ZFHX3: variants seen among roughly 807,000 people sequenced by gnomAD.
The protein encoded by ZFHX3 is zinc finger homeobox protein 3.
Under a neutral mutation model 279.1 loss-of-function variants are expected in ZFHX3, and 42 were observed. That is an observed-to-expected ratio of 0.15 (90% CI 0.12 to 0.19). ZFHX3 has a LOEUF of 0.19. Among genes scored for constraint, ZFHX3 ranks in the 10% least tolerant of loss-of-function variants. The probability of loss-of-function intolerance (pLI) is 1.00; values close to 1 mark genes in which losing one functional copy is unlikely to be tolerated. For missense variants in ZFHX3, 4,981 were observed against 4,754.0 expected, an observed-to-expected ratio of 1.05 and a Z score of -1.40; for synonymous variants, 2,293 against 1,957.8, an observed-to-expected ratio of 1.17 and a Z score of -4.52.
At chr16:73,082,267 ATT>A (rs369619247) in intron 8 of ZFHX3, among the ~76,000 whole-genome samples, 2 of 150,394 alleles carry the variant, frequency 1.3e-5, no homozygotes, top group African/African-American at 2.5e-5. Flanking sequence ...GAATGAATGA[ATT>A]TTTTTTTCTC....
intron 1 of ZFHX3, among the ~76,000 whole-genome samples, chr16:73,729,686 G>A (rs2053552864): frequency 6.6e-6 from 1 of 152,120 alleles, no homozygotes; most frequent in South Asian, 2.1e-4. Flanking sequence ...CCGCAATCTT[G>A]GCATACACAA....
chr16:73,226,696 A>T (rs1338165978), intron 5 of ZFHX3, among the ~76,000 whole-genome samples: 1 of 152,222 alleles, frequency 6.6e-6, no homozygotes, highest in African/African-American at 2.4e-5. Flanking sequence ...ATATATTTGA[A>T]TTCTTCCAAA....
chr16:72,970,536 T>C (rs1473118511), intron 1 of ZFHX3, among the ~76,000 whole-genome samples: 1 of 152,122 alleles, frequency 6.6e-6, no homozygotes, highest in Non-Finnish European at 1.5e-5. Flanking sequence ...CCCTCCCGGA[T>C]TTGCAGCAGA....
chr16:73,569,991 T>C (rs1235462599), intron 2 of ZFHX3, among the ~76,000 whole-genome samples: 1 of 152,196 alleles, frequency 6.6e-6, no homozygotes, highest in Non-Finnish European at 1.5e-5. Flanking sequence ...CCGAGGCAGT[T>C]TCCCAAGCTT....
chr16:72,816,911 G>C (rs1323108672), intron 5 of ZFHX3, among the ~76,000 whole-genome samples: 1 of 152,134 alleles, frequency 6.6e-6, no homozygotes, highest in African/African-American at 2.4e-5. Context: ...TATCATATTT[G>C]TTTTAGAAGT....
intron 1 of ZFHX3, among the ~76,000 whole-genome samples, chr16:73,688,661 T>A (rs1026060540): frequency 1.3e-5 from 2 of 152,074 alleles, no homozygotes; most frequent in African/African-American, 4.8e-5. Flanking sequence ...AGTTACCCAG[T>A]GTAAGGTATT....
intron 1 of ZFHX3, among the ~76,000 whole-genome samples, chr16:73,755,817 T>G (rs1331416323): frequency 6.6e-6 from 1 of 152,194 alleles, no homozygotes; most frequent in African/African-American, 2.4e-5. Context: ...CAATTTTAAT[T>G]TTTAAAAAGT....
chr16:72,883,557 AAGGAAT>A (rs1268321471), intron 4 of ZFHX3, among the ~76,000 whole-genome samples: 1 of 152,206 alleles, frequency 6.6e-6, no homozygotes. Context: ...TACTTACAAA[AAGGAAT>A]CAACCTATGT....
At chr16:73,472,884 G>A (rs1411032578) in intron 2 of ZFHX3, among the ~76,000 whole-genome samples, 1 of 152,094 alleles carries the variant, frequency 6.6e-6, no homozygotes, top group Non-Finnish European at 1.5e-5. Flanking sequence ...TTGGTCCACT[G>A]AGGGATTTCA....
chr16:73,795,677 C>T (rs1038693669), intron 1 of ZFHX3, among the ~76,000 whole-genome samples: 1 of 152,216 alleles, frequency 6.6e-6, no homozygotes, highest in African/African-American at 2.4e-5. Context: ...TGCCCAGTTT[C>T]CAGAATGACC....
intron 4 of ZFHX3, among the ~76,000 whole-genome samples, chr16:73,302,711 T>G (rs527480609): frequency 6.6e-6 from 1 of 152,210 alleles, no homozygotes; most frequent in African/African-American, 2.4e-5. Flanking sequence ...GAGTCAACAG[T>G]GGTACTTGGA....
intron 1 of ZFHX3, among the ~76,000 whole-genome samples, chr16:73,890,684 C>T (rs1011201960): frequency 6.6e-6 from 1 of 152,154 alleles, no homozygotes; most frequent in Non-Finnish European, 1.5e-5. Flanking sequence ...AATTAGTCAT[C>T]TTCTCTTTCC....
At chr16:72,888,896 C>A (rs540775114) in intron 4 of ZFHX3, among the ~76,000 whole-genome samples, 2 of 152,174 alleles carry the variant, frequency 1.3e-5, no homozygotes, top group Non-Finnish European at 2.9e-5. Flanking sequence ...AGTGTGGGGC[C>A]TAGGATGAAA....
chr16:72,957,275 G>A, intron 2 of ZFHX3, 152 bp downstream of exon 2: 1 of 870,242 alleles, frequency 1.1e-6, no homozygotes, highest in Admixed American at 2.7e-5. Context: ...AGGGATTCTT[G>A]AGAATACTTG....
chr16:73,781,723 G>A (rs943204639), intron 1 of ZFHX3, among the ~76,000 whole-genome samples: 7 of 152,074 alleles, frequency 4.6e-5, no homozygotes, highest in East Asian at 1.9e-4. Flanking sequence ...GCGTGGTGGC[G>A]CATGCCTGTA....
chr16:72,968,444 T>C (rs1961948747), intron 1 of ZFHX3, among the ~76,000 whole-genome samples: 1 of 149,620 alleles, frequency 6.7e-6, no homozygotes, highest in Non-Finnish European at 1.5e-5. Context: ...AATAGTGGCA[T>C]ATGAATGTTA....
At chr16:73,025,246 G>A (rs1964456092) in intron 1 of ZFHX3, among the ~76,000 whole-genome samples, 1 of 152,128 alleles carries the variant, frequency 6.6e-6, no homozygotes, top group Non-Finnish European at 1.5e-5. Flanking sequence ...GCACCGCCCT[G>A]CCCCAAGTCC....
At chr16:72,985,186 CCTT>C (rs1259154519) in intron 1 of ZFHX3, among the ~76,000 whole-genome samples, 2 of 152,176 alleles carry the variant, frequency 1.3e-5, no homozygotes, top group Admixed American at 6.5e-5. Context: ...GTCCTTGTCA[CCTT>C]CTCATCAGGA....
intron 1 of ZFHX3, among the ~76,000 whole-genome samples, chr16:73,801,794 T>C (rs1960153789): frequency 6.6e-6 from 1 of 152,182 alleles, no homozygotes; most frequent in Admixed American, 6.5e-5. Context: ...GTGTCTACAG[T>C]TGTCCCGATT....
Sources: allele counts gnomAD v4.1 joint callset (sites outside exome capture counted in the v4.1 genomes callset), GRCh38; gene constraint gnomAD v4.1.1; transcripts MANE v1.5; gene names NCBI Gene and HGNC (gene_info 2026-07-23, HGNC 2026-07-21).